The following GPC5 variants were observed in gnomAD, a reference collection of about 807,000 sequenced individuals.
GPC5 encodes glypican-5.
GPC5 carries 47 observed loss-of-function variants against 53.9 expected under a neutral mutation model. The observed-to-expected ratio is 0.87, with a 90% CI of 0.69 to 1.11. The LOEUF is 1.11. Among genes scored for constraint, GPC5 ranks in the 50% most tolerant of loss-of-function variants. The pLI is 0.00. For missense variants in GPC5, 748 were observed against 713.1 expected, an observed-to-expected ratio of 1.05 and a Z score of -0.56; for synonymous variants, 286 against 263.3, an observed-to-expected ratio of 1.09 and a Z score of -0.84.
chr13:91,835,995 C>G (rs1364784430), intron 5 of GPC5, among the ~76,000 whole-genome samples: 2 of 152,004 alleles, frequency 1.3e-5, no homozygotes, highest in Non-Finnish European at 2.9e-5. Context: ...TTACTAAAGT[C>G]TTTACCTGCC....
chr13:92,561,882 C>G (rs780571097), intron 7 of GPC5, among the ~76,000 whole-genome samples: 2 of 151,986 alleles, frequency 1.3e-5, no homozygotes, highest in Non-Finnish European at 2.9e-5. Flanking sequence ...TAGAAAGGAA[C>G]GAAGAATGCA....
intron 6 of GPC5, among the ~76,000 whole-genome samples, chr13:92,025,657 T>A (rs1304972786): frequency 6.6e-6 from 1 of 152,130 alleles, no homozygotes; most frequent in Admixed American, 6.6e-5. Flanking sequence ...AAAGAGGGAT[T>A]TTGTACCCTT....
Position 92,617,041 on chromosome 13 carries a change from A to G in GPC5, c.1562-249241A>G, listed in dbSNP as rs146888148. On this transcript the variant is annotated intron_variant, in intron 7 of 7. Coordinates refer to ENST00000377067, the MANE Select transcript of GPC5 (RefSeq NM_004466.6). ...TTCAAATGTTGTGGGATATTTAAAT[A>G]AATCAGACAATAAATTTGAAAATAG... Among the ~76,000 whole-genome samples the G allele has an allele frequency of 9.8e-3, 1,498 of 152,364 alleles. 50 individuals are homozygous for G. The East Asian group carries it at 0.11, about 11-fold the overall frequency.
chr13:92,723,199 G>A (rs1260340575), intron 7 of GPC5, among the ~76,000 whole-genome samples: 2 of 151,648 alleles, frequency 1.3e-5, no homozygotes, highest in East Asian at 3.9e-4. Context: ...ACTCAGAACT[G>A]AAATTAAATT....
At chr13:92,755,287 C>A (rs1874804762) in intron 7 of GPC5, among the ~76,000 whole-genome samples, 1 of 141,126 alleles carries the variant, frequency 7.1e-6, no homozygotes, top group Non-Finnish European at 1.5e-5. Flanking sequence ...CCAACGAGAA[C>A]AAAGACACAA....
At chr13:91,759,727 A>G (rs2138652474) in intron 5 of GPC5, among the ~76,000 whole-genome samples, 1 of 152,130 alleles carries the variant, frequency 6.6e-6, no homozygotes, top group East Asian at 1.9e-4. Flanking sequence ...CTCAATGCCA[A>G]CTCAATGGTA....
intron 5 of GPC5, among the ~76,000 whole-genome samples, chr13:91,773,662 G>A (rs1416829393): frequency 6.6e-6 from 1 of 152,066 alleles, no homozygotes; most frequent in Admixed American, 6.6e-5. Context: ...AATATTATTT[G>A]ACCAAAAGTT....
At chr13:92,411,534 G>A (rs2139349910) in intron 7 of GPC5, among the ~76,000 whole-genome samples, 1 of 152,116 alleles carries the variant, frequency 6.6e-6, no homozygotes, top group South Asian at 2.1e-4. Context: ...AAATGACTTG[G>A]ACCTTATGTT....
chr13:92,473,955 G>T (rs542801910), intron 7 of GPC5, among the ~76,000 whole-genome samples: 1 of 152,112 alleles, frequency 6.6e-6, no homozygotes, highest in South Asian at 2.1e-4. Context: ...TATTGGGTTT[G>T]CCTTTGAAGC....
intron 7 of GPC5, among the ~76,000 whole-genome samples, chr13:92,544,634 C>T (rs1882040747): frequency 6.6e-6 from 1 of 151,988 alleles, no homozygotes; most frequent in African/African-American, 2.4e-5. Context: ...GCTGGCTCTT[C>T]CCTCGTTTTG....
At chr13:92,575,557 T>C (rs1469412624) in intron 7 of GPC5, among the ~76,000 whole-genome samples, 1 of 152,114 alleles carries the variant, frequency 6.6e-6, no homozygotes, top group Non-Finnish European at 1.5e-5. Context: ...TTCAGTTGTT[T>C]TAAGTCACCA....
At chr13:92,492,164 G>T (rs1181462609) in intron 7 of GPC5, among the ~76,000 whole-genome samples, 1 of 152,102 alleles carries the variant, frequency 6.6e-6, no homozygotes, top group East Asian at 1.9e-4. Context: ...AAAGCATTTT[G>T]TGTGTGTATA....
intron 2 of GPC5, among the ~76,000 whole-genome samples, chr13:91,639,567 A>G (rs1427813772): frequency 6.6e-6 from 1 of 152,176 alleles, no homozygotes; most frequent in Non-Finnish European, 1.5e-5. Context: ...AACTTACTCT[A>G]ATTGAGTCAA....
intron 7 of GPC5, among the ~76,000 whole-genome samples, chr13:92,633,184 C>T (rs1386578015): frequency 1.3e-5 from 2 of 152,188 alleles, no homozygotes; most frequent in Admixed American, 6.5e-5. Flanking sequence ...TGAGCCACCA[C>T]GCCCAGCCAA....
chr13:91,587,207 T>C (rs1266832336), intron 2 of GPC5, among the ~76,000 whole-genome samples: 2 of 152,188 alleles, frequency 1.3e-5, no homozygotes, highest in African/African-American at 4.8e-5. Flanking sequence ...AGGCTATTTA[T>C]AGTGTTATTT....
chr13:91,845,845 T>G (rs9523432), intron 5 of GPC5, among the ~76,000 whole-genome samples: 50,660 of 152,128 alleles, frequency 0.33, 9,823 homozygotes, highest in East Asian at 0.64. Context: ...TGTCACTTAC[T>G]AGCTGCATGA....
At chr13:91,586,534 ATATATATATATATATATATATATATAT>A (rs1566530211) in intron 2 of GPC5, among the ~76,000 whole-genome samples, 1 of 42,470 alleles carries the variant, frequency 2.4e-5, no homozygotes, top group Non-Finnish European at 3.7e-5. Context: ...ATATATATAT[ATATATATATATATATATATATATATAT>A]GTAGAGAGAG....
intron 7 of GPC5, among the ~76,000 whole-genome samples, chr13:92,345,244 A>AT (rs2043400871): frequency 6.6e-6 from 1 of 152,206 alleles, no homozygotes; most frequent in Admixed American, 6.5e-5. Flanking sequence ...GAGAAGTAAA[A>AT]TTGTGAGGAA....
At chr13:91,421,530 CA>C (rs900374275) in intron 1 of GPC5, among the ~76,000 whole-genome samples, 1 of 151,922 alleles carries the variant, frequency 6.6e-6, no homozygotes, top group Non-Finnish European at 1.5e-5. Flanking sequence ...AATGCAACAA[CA>C]AAAAAATCCT....
Sources: gnomAD v4.1 joint callset for allele counts (sites outside exome capture counted in the v4.1 genomes callset) on GRCh38, gnomAD v4.1.1 for gene constraint, MANE v1.5 for transcripts, NCBI Gene and HGNC (gene_info 2026-07-23, HGNC 2026-07-21) for gene names.